The following APOO variants were observed in gnomAD, a reference collection of about 807,000 sequenced individuals.
APOO encodes MICOS complex subunit MIC26.
Under a neutral mutation model 23.1 loss-of-function variants are expected in APOO, and 11 were observed. The ratio of observed to expected loss-of-function variants is 0.48; its 90% CI spans 0.30 to 0.79. The LOEUF (loss-of-function observed/expected upper bound fraction) is 0.79. Ranked by LOEUF, APOO falls within the 30% of genes least tolerant of loss-of-function variation. The pLI is 0.07. For synonymous variants in APOO, 59 were observed against 54.8 expected, an observed-to-expected ratio of 1.08 and a Z score of -0.34; for missense variants, 160 against 142.7, an observed-to-expected ratio of 1.12 and a Z score of -0.62.
intron 5 of APOO, among the ~76,000 whole-genome samples, chrX:23,864,015 G>A (rs1380455049): frequency 9.7e-6 from 1 of 103,106 alleles, no homozygotes; most frequent in African/African-American, 3.6e-5. Context: ...TTTTTTTTGA[G>A]ATGGAGTTTT....
intron 4 of APOO, among the ~76,000 whole-genome samples, chrX:23,869,254 CAATGAAGTA>C (rs929617579): frequency 5.4e-5 from 6 of 111,037 alleles, no homozygotes; most frequent in African/African-American, 1.6e-4. Flanking sequence ...AACCTACTGA[CAATGAAGTA>C]AATGTTAAAT....
Position 23,880,833 on chromosome X carries a change from A to C in APOO, c.117+12T>G, listed in dbSNP as rs760275885. The C allele has an allele frequency of 3.6e-6, 4 of 1,100,613 alleles. No homozygotes were observed. Among genetic ancestry groups the C allele is most frequent in the Non-Finnish European group, 2.4e-6 (2 of 827,284 alleles). The allele number at this position is 1,100,613 out of a possible 1,213,427, so 90.7% of individuals were successfully genotyped here. A position where few individuals can be genotyped will look rare whatever the true frequency, so the allele number is the denominator to read the frequency against. ...ACACTCAAAATATATCGCAACATGA[A>C]CAACATGTTACCTCATCAACCTTCA... On this transcript the variant is annotated intron_variant, in intron 2 of 8. Transcript: ENST00000379226.
intron 4 of APOO, among the ~76,000 whole-genome samples, chrX:23,869,818 G>A (rs893377889): frequency 1.2e-4 from 13 of 107,624 alleles, no homozygotes; most frequent in African/African-American, 4.4e-4. Flanking sequence ...TGGGCGTGGT[G>A]GCACGCTCCT....
chrX:23,889,799 C>T (rs1161384311), intron 1 of APOO, among the ~76,000 whole-genome samples: 2 of 108,616 alleles, frequency 1.8e-5, no homozygotes, highest in East Asian at 2.9e-4. Context: ...GTAGCTGGGA[C>T]TACAGGCACC....
intron 1 of APOO, among the ~76,000 whole-genome samples, chrX:23,891,453 C>T (rs1345369679): frequency 8.9e-6 from 1 of 111,777 alleles, no homozygotes. Flanking sequence ...TCTCAAACTC[C>T]TGGGCTCAAG....
rs143167112 is a variant in APOO, at chrX:23,904,504, GTT to G, written c.9+3188_9+3189del. On this transcript the variant is annotated intron_variant, in intron 1 of 8. Transcript: ENST00000379226. ...AAGAGATGGGTCCTTGATGACACTG[GTT>G]TTTTTTTTTTTTTTTTTTTTGGGAC... Among the ~76,000 whole-genome samples the G allele has an allele frequency of 4.8e-3, 255 of 53,220 alleles. 1 individual carries two copies. Among genetic ancestry groups the G allele is most frequent in the African/African-American group, 5.5e-3 (92 of 16,712 alleles). The allele number at this position is 53,220 out of a possible 115,157, so 46.2% of individuals were successfully genotyped here. A position where few individuals can be genotyped will look rare whatever the true frequency, so the allele number is the denominator to read the frequency against.
intron 8 of APOO, among the ~76,000 whole-genome samples, chrX:23,836,375 C>T (rs763747865): frequency 2.8e-4 from 31 of 111,092 alleles, no homozygotes; most frequent in African/African-American, 9.5e-4. Flanking sequence ...AGTGCAGTGG[C>T]GTGATCTCGG....
At chrX:23,890,484 C>T (rs1399231272) in intron 1 of APOO, among the ~76,000 whole-genome samples, 3 of 112,056 alleles carry the variant, frequency 2.7e-5, no homozygotes, top group South Asian at 3.7e-4. Flanking sequence ...ACTTATGCCC[C>T]GTTTACTTTC....
At chrX:23,869,410 T>C (rs1181498051) in intron 4 of APOO, among the ~76,000 whole-genome samples, 1 of 110,574 alleles carries the variant, frequency 9.0e-6, no homozygotes, top group Admixed American at 9.8e-5. Context: ...AATCTTTGGA[T>C]AGATCTATTG....
intron 7 of APOO, among the ~76,000 whole-genome samples, chrX:23,847,830 C>T (rs1408154606): frequency 9.5e-6 from 1 of 104,732 alleles, no homozygotes; most frequent in Non-Finnish European, 1.9e-5. Flanking sequence ...TACACACACA[C>T]ACACATATAT....
chrX:23,842,006 T>G (rs1034460556), intron 7 of APOO, among the ~76,000 whole-genome samples: 4 of 111,575 alleles, frequency 3.6e-5, no homozygotes, highest in African/African-American at 9.8e-5. Context: ...ATTTCTTTCA[T>G]GTTTGAGTCT....
chrX:23,896,727 C>A (rs1295762379), intron 1 of APOO, among the ~76,000 whole-genome samples: 1 of 110,574 alleles, frequency 9.0e-6, no homozygotes, highest in Non-Finnish European at 1.9e-5. Flanking sequence ...TGGCCTTGAA[C>A]TCCTGGGCTC....
chrX:23,905,146 T>C (rs974944441), intron 1 of APOO, among the ~76,000 whole-genome samples: 2 of 109,382 alleles, frequency 1.8e-5, no homozygotes, highest in African/African-American at 6.7e-5. Context: ...CCCAGCACTT[T>C]GGGAGGCCAA....
chrX:23,887,320 G>A (rs938866083), intron 1 of APOO, among the ~76,000 whole-genome samples: 2 of 85,220 alleles, frequency 2.3e-5, no homozygotes, highest in Admixed American at 1.7e-4. Flanking sequence ...TGCAACCTCC[G>A]CCTCCTGGGT....
intron 1 of APOO, among the ~76,000 whole-genome samples, chrX:23,897,762 C>T (rs773422111): frequency 3.6e-5 from 4 of 110,765 alleles, no homozygotes; most frequent in Non-Finnish European, 3.8e-5. Context: ...CCGAGGTGGG[C>T]GGATCCTTTG....
intron 1 of APOO, among the ~76,000 whole-genome samples, chrX:23,891,101 G>C (rs1434861315): frequency 1.8e-5 from 2 of 111,088 alleles, no homozygotes; most frequent in African/African-American, 6.6e-5. Flanking sequence ...AGGCTTTCTA[G>C]GTACTCTCTC....
At chrX:23,838,544 G>A (rs1426837237) in intron 8 of APOO, among the ~76,000 whole-genome samples, 2 of 106,111 alleles carry the variant, frequency 1.9e-5, no homozygotes, top group Non-Finnish European at 3.9e-5. Flanking sequence ...AGCCTCCCAA[G>A]TAGCTGGGAT....
intron 1 of APOO, among the ~76,000 whole-genome samples, chrX:23,907,405 T>C (rs769362646): frequency 2.7e-5 from 3 of 112,316 alleles, no homozygotes; most frequent in Admixed American, 9.4e-5. Flanking sequence ...GCCGAGGGGA[T>C]GGGTACTTTG....
intron 1 of APOO, among the ~76,000 whole-genome samples, chrX:23,905,380 ACT>A (rs1486600905): frequency 4.6e-5 from 5 of 109,296 alleles, no homozygotes; most frequent in African/African-American, 1.7e-4. Flanking sequence ...ACAGGGCCAG[ACT>A]CTGTCTGAAA....
Sources: gnomAD v4.1 joint callset for allele counts (sites outside exome capture counted in the v4.1 genomes callset) on GRCh38, gnomAD v4.1.1 for gene constraint, MANE v1.5 for transcripts, NCBI Gene and HGNC (gene_info 2026-07-23, HGNC 2026-07-21) for gene names.